The following IL6R variants were observed in gnomAD, a reference collection of about 807,000 sequenced individuals.
IL6R encodes the protein interleukin-6 receptor subunit alpha.
A neutral mutation model predicts 48.3 loss-of-function variants in IL6R; 38 were observed. The observed-to-expected ratio is 0.79, with a 90% CI of 0.61 to 1.03. IL6R has a LOEUF of 1.03. Among genes scored for constraint, IL6R ranks in the 50% least tolerant of loss-of-function variants. The pLI is 0.00. For missense variants in IL6R, 534 were observed against 618.3 expected, an observed-to-expected ratio of 0.86 and a Z score of 1.45; for synonymous variants, 264 against 256.2, an observed-to-expected ratio of 1.03 and a Z score of -0.29.
chr1:154,440,606 A>C (rs1162859175), intron 6 of IL6R, among the ~76,000 whole-genome samples: 4 of 150,984 alleles, frequency 2.6e-5, no homozygotes, highest in Admixed American at 2.6e-4. Context: ...ATGGATGTGA[A>C]GTGTTATCTC....
intron 6 of IL6R, among the ~76,000 whole-genome samples, chr1:154,441,618 G>A (rs903942982): frequency 2.0e-5 from 3 of 152,142 alleles, no homozygotes; most frequent in Admixed American, 1.3e-4. Flanking sequence ...TAAGGGGAAG[G>A]TTAGAGCACT....
Position 154,469,091 on chromosome 1 carries a change from C to A in IL6R, c.*3711C>A, listed in dbSNP as rs563651604. 16 of 152,290 alleles carry A rather than the reference C, an allele frequency of 1.1e-4. No homozygotes were observed. In the South Asian group the frequency reaches 1.9e-3, roughly 18 times the overall value. The allele number at this position is 152,290 out of a possible 1,614,324, so 9.4% of individuals were successfully genotyped here. A position where few individuals can be genotyped will look rare whatever the true frequency, so the allele number is the denominator to read the frequency against. ...CAGCACCAGGGAGTTTCTATGGCAACCTTAGTGATTATTAAGGAACACTGT... is the reference window on the plus strand; with the variant it reads ...CAGCACCAGGGAGTTTCTATGGCAAACTTAGTGATTATTAAGGAACACTGT... On this transcript the variant is annotated 3_prime_UTR_variant, in exon 10 of 10. Coordinates refer to ENST00000368485, the MANE Select transcript of IL6R (RefSeq NM_000565.4).
At chr1:154,407,885 T>C (rs73026630) in intron 1 of IL6R, among the ~76,000 whole-genome samples, 2,592 of 152,310 alleles carry the variant, frequency 0.017, 82 homozygotes, top group African/African-American at 0.059. Context: ...TCAAGTTCCC[T>C]CTTCCTACTG....
chr1:154,415,109 C>T, intron 1 of IL6R: 2 of 1,153,418 alleles, frequency 1.7e-6, no homozygotes, highest in Admixed American at 4.0e-5. Context: ...TTTTACGGTT[C>T]CACTCGCCCT....
chr1:154,416,300 A>T (rs1688344938), intron 1 of IL6R, among the ~76,000 whole-genome samples: 1 of 151,012 alleles, frequency 6.6e-6, no homozygotes, highest in Admixed American at 6.6e-5. Context: ...TGGCTAATTT[A>T]AAAAAAAATT....
intron 1 of IL6R, among the ~76,000 whole-genome samples, chr1:154,427,354 C>T (rs78729256): frequency 0.023 from 3,428 of 152,184 alleles, 127 homozygotes; most frequent in African/African-American, 0.078. Flanking sequence ...CTGCTGCAGC[C>T]TCCTCAAATG....
chr1:154,454,709 C>CCACAA, intron 9 of IL6R, 128 bp downstream of exon 9: 1 of 693,692 alleles, frequency 1.4e-6, no homozygotes, highest in South Asian at 1.6e-5. Flanking sequence ...AATGCACACA[C>CCACAA]CACAACACAC....
chr1:154,458,627 G>A (rs1391527595), intron 9 of IL6R, among the ~76,000 whole-genome samples: 5 of 152,140 alleles, frequency 3.3e-5, no homozygotes, highest in Middle Eastern at 3.2e-3. Context: ...TAGGCCAGGC[G>A]CGGTGGCTCA....
rs1243541742 is a variant in IL6R, at chr1:154,468,578, T to G, written c.*3198T>G. The stretch of plus-strand genomic sequence containing the variant: ...CCTGATGGGGACTTGCCCTTACGCT[T>G]TCTTTATCAGGCTCTGAGTTCACAC... On this transcript the variant is annotated 3_prime_UTR_variant, in exon 10 of 10. Transcript: ENST00000368485. 6.6e-6 allele frequency: 1 copy of G among 152,170 alleles called. No individual in the cohort carries two copies. The highest frequency in any genetic ancestry group is 1.5e-5 in the Non-Finnish European group (1 of 68,036). 9.4% of individuals were successfully genotyped at this position (152,170 alleles called of 1,614,324 possible). A position where few individuals can be genotyped will look rare whatever the true frequency, so the allele number is the denominator to read the frequency against.
chr1:154,411,987 G>T (rs866719577), intron 1 of IL6R, among the ~76,000 whole-genome samples: 1 of 138,362 alleles, frequency 7.2e-6, no homozygotes, highest in East Asian at 2.1e-4. Flanking sequence ...TTGCTCTGTC[G>T]CCCAGGCTGG....
intron 1 of IL6R, among the ~76,000 whole-genome samples, chr1:154,421,098 A>T (rs1039083669): frequency 6.6e-6 from 1 of 152,118 alleles, no homozygotes; most frequent in African/African-American, 2.4e-5. Context: ...CCCTCCCTGT[A>T]TGTGACCCTG....
chr1:154,451,953 G>A (rs986862193), intron 8 of IL6R, among the ~76,000 whole-genome samples: 1 of 152,114 alleles, frequency 6.6e-6, no homozygotes, highest in Non-Finnish European at 1.5e-5. Context: ...ATTTGCTCAG[G>A]TGCGGGGGAT....
At position 154,436,100 on chromosome 1, in the gene IL6R, G is replaced by A. The variant is rs905294056; in HGVS notation, c.939G>A (p.Thr313=). ...AGTGGAGCCCGGAGGCCATGGGCAC[G>A]CCTTGGACAGGTACTGCGGTGGGCA... ...WSEWSPEAMG[T]PWTESRSPPA... The change falls in exon 6 of 10, where the codon ACG becomes ACA. Residue 313 remains threonine (T), a synonymous_variant. Transcript: ENST00000368485. The A allele has an allele frequency of 2.2e-5, 36 of 1,609,850 alleles. No individual in the cohort carries two copies. Among genetic ancestry groups the A allele is most frequent in the Admixed American group, 8.4e-5 (5 of 59,864 alleles).
At chr1:154,428,174 C>CA (rs966687795) in intron 1 of IL6R, among the ~76,000 whole-genome samples, 3 of 151,944 alleles carry the variant, frequency 2.0e-5, no homozygotes, top group African/African-American at 4.8e-5. Flanking sequence ...AACTGCTACT[C>CA]AAAAAAAGTG....
chr1:154,461,218 C>A (rs529209010), intron 9 of IL6R, among the ~76,000 whole-genome samples: 1 of 152,166 alleles, frequency 6.6e-6, no homozygotes, highest in Non-Finnish European at 1.5e-5. Flanking sequence ...ACCAGGAGTG[C>A]GGGAGGAGCA....
intron 1 of IL6R, among the ~76,000 whole-genome samples, chr1:154,422,401 T>C (rs1688721413): frequency 6.6e-6 from 1 of 152,230 alleles, no homozygotes; most frequent in South Asian, 2.1e-4. Context: ...CTCAGTATGT[T>C]GGAGACATTT....
intron 1 of IL6R, among the ~76,000 whole-genome samples, chr1:154,413,395 A>G (rs1688147732): frequency 6.6e-6 from 1 of 152,222 alleles, no homozygotes; most frequent in Non-Finnish European, 1.5e-5. Context: ...TTGTTGTGTG[A>G]GTGCAAGTAC....
At chr1:154,419,923 G>C (rs567527050) in intron 1 of IL6R, among the ~76,000 whole-genome samples, 1 of 152,192 alleles carries the variant, frequency 6.6e-6, no homozygotes, top group Non-Finnish European at 1.5e-5. Context: ...CTTTCCCAGA[G>C]CTGTGCTGCA....
intron 6 of IL6R, among the ~76,000 whole-genome samples, chr1:154,443,277 G>A (rs1223673723): frequency 1.3e-5 from 2 of 152,238 alleles, no homozygotes; most frequent in Non-Finnish European, 2.9e-5. Context: ...CCAGCTACAC[G>A]TTATCTTCTC....
Sources: gnomAD v4.1 joint callset for allele counts (sites outside exome capture counted in the v4.1 genomes callset) on GRCh38, gnomAD v4.1.1 for gene constraint, MANE v1.5 for transcripts, NCBI Gene and HGNC (gene_info 2026-07-23, HGNC 2026-07-21) for gene names.